CLC: variants seen among roughly 807,000 people sequenced by gnomAD.
The protein encoded by CLC is Charcot-Leyden crystal galectin.
In CLC, 15 loss-of-function variants were observed where a neutral mutation model predicts 13.9. The observed-to-expected ratio is 1.08, with a 90% CI of 0.72 to 1.66. The LOEUF (loss-of-function observed/expected upper bound fraction) is 1.66. Among genes scored for constraint, CLC ranks in the 40% most tolerant of loss-of-function variants. The pLI is 0.00. For synonymous variants in CLC, 68 were observed against 59.9 expected (o/e 1.14, Z -0.63); for missense variants, 161 against 169.1 (o/e 0.95, Z 0.27).
chr19:39,734,210 T>A, intron 3 of CLC, 73 bp downstream of exon 3: 1 of 1,504,674 alleles, frequency 6.6e-7, no homozygotes, highest in Non-Finnish European at 9.1e-7. Context: ...TATCTGGAGT[T>A]AGGGCATGAA....
chr19:39,734,404 C>G lies in CLC; in HGVS notation c.182G>C (p.Arg61Pro). The change falls in exon 3 of 4, where the codon CGT (arginine) becomes CCT (proline). Residue 61 changes from arginine (R) to proline (P), a missense_variant. Coordinates refer to ENST00000221804, the MANE Select transcript of CLC (RefSeq NM_001828.6). ...VFHFQVCFGR[R>P]VVMNSREYGA... ...ATACTCACGGCTGTTCATGACCACA[C>G]GACGACCAAAGCACACTTGGAAATG... The G allele has an allele frequency of 1.2e-6, 2 of 1,614,100 alleles. No homozygotes were observed. The highest frequency in any genetic ancestry group is 1.1e-5 in the South Asian group (1 of 91,078).
Position 39,735,027 on chromosome 19 carries a change from G to T in CLC, c.62C>A (p.Thr21Lys). ...AASLSTGSTV[T>K]IKGRPLACFL... ...ACAGGCAAGTGGTCGCCCTTTGATT[G>T]TCACAGTAGAACCAGTAGACAAAGA... is the stretch of plus-strand genomic sequence containing the variant. The change falls in exon 2 of 4, where the codon ACA (threonine) becomes AAA (lysine). Residue 21 changes from threonine (T) to lysine (K), a missense_variant. By Grantham distance (78) the Thr-to-Lys change is moderately conservative (BLOSUM62 -1). Transcript: ENST00000221804. 1 of 1,613,790 alleles carries T rather than the reference G, an allele frequency of 6.2e-7. No homozygotes were observed. The highest frequency in any genetic ancestry group is 8.5e-7 in the Non-Finnish European group (1 of 1,179,658).
rs749143951 is a variant in CLC at position 39,731,439 on chromosome 19, C to T, written c.370G>A (p.Val124Met). 9.3e-6 allele frequency: 15 copies of T among 1,613,650 alleles called. No individual in the cohort carries two copies. ...AGGGAGATATCTCTCCACACTTGCACCATCTTCACAGCCTCAGGCTTGATT... is the reference window on the plus strand; with the variant it reads ...AGGGAGATATCTCTCCACACTTGCATCATCTTCACAGCCTCAGGCTTGATT... ...HRIKPEAVKM[V>M]QVWRDISLTK... Residue 124 changes from valine to methionine, a missense_variant, in exon 4 of 4, where the codon GTG becomes ATG. Coordinates refer to ENST00000221804, the MANE Select transcript of CLC (RefSeq NM_001828.6).
At position 39,734,391 on chromosome 19, in the gene CLC, G is replaced by C. The variant is rs146776010; in HGVS notation, c.195C>G (p.Asn65Lys). The C allele has an allele frequency of 9.3e-3, 15,012 of 1,614,070 alleles. 308 individuals carry two copies. Among genetic ancestry groups the C allele is most frequent in the Admixed American group, 0.067 (4,045 of 60,012 alleles). ...GCTTCCAGGCCCCATACTCACGGCT[G>C]TTCATGACCACACGACGACCAAAGC... is the stretch of plus-strand genomic sequence containing the variant. ...QVCFGRRVVMNSREYGAWKQQ... is the reference protein window; with the variant it reads ...QVCFGRRVVMKSREYGAWKQQ... Residue 65 changes from asparagine (N) to lysine (K), a missense_variant, in exon 3 of 4, where the codon AAC becomes AAG. By Grantham distance (94) the Asn-to-Lys change is moderately conservative (BLOSUM62 0). Coordinates refer to ENST00000221804, the MANE Select transcript of CLC (RefSeq NM_001828.6).
chr19:39,734,013 A>T (rs1967267767), intron 3 of CLC: 1 of 985,320 alleles, frequency 1.0e-6, no homozygotes, highest in South Asian at 4.7e-5. Flanking sequence ...AGAGCTGAGG[A>T]TGGCAGTGCA....
intron 1 of CLC, among the ~76,000 whole-genome samples, chr19:39,735,858 G>A (rs1967301063): frequency 6.6e-6 from 1 of 152,162 alleles, no homozygotes; most frequent in South Asian, 2.1e-4. Context: ...GTGAAAACAA[G>A]ATGTGAGGAT....
intron 1 of CLC, among the ~76,000 whole-genome samples, chr19:39,735,874 A>G (rs1335611795): frequency 6.6e-6 from 1 of 152,214 alleles, no homozygotes; most frequent in Non-Finnish European, 1.5e-5. Context: ...AGGATGTAAC[A>G]GTAGAGAGAT....
At chr19:39,732,289 A>T (rs1365474381) in intron 3 of CLC, among the ~76,000 whole-genome samples, 2 of 103,978 alleles carry the variant, frequency 1.9e-5, no homozygotes, top group Non-Finnish European at 3.9e-5. Flanking sequence ...TGTCCATGTG[A>T]TCTCATTGTT....
At chr19:39,735,713 A>G (rs1967297658) in intron 1 of CLC, among the ~76,000 whole-genome samples, 1 of 152,196 alleles carries the variant, frequency 6.6e-6, no homozygotes. Flanking sequence ...TCATGTTTTC[A>G]GTTATACAGT....
At chr19:39,733,677 A>T (rs1039537466) in intron 3 of CLC, among the ~76,000 whole-genome samples, 1 of 152,210 alleles carries the variant, frequency 6.6e-6, no homozygotes, top group African/African-American at 2.4e-5. Context: ...CTCAACTGTC[A>T]TTCCTAAAGT....
intron 1 of CLC, among the ~76,000 whole-genome samples, chr19:39,735,472 C>T (rs1967294139): frequency 6.6e-6 from 1 of 152,144 alleles, no homozygotes; most frequent in African/African-American, 2.4e-5. Flanking sequence ...TATTGGTCCA[C>T]ACCCAGCTAA....
chr19:39,735,717 A>T (rs1485717853), intron 1 of CLC, among the ~76,000 whole-genome samples: 3 of 152,206 alleles, frequency 2.0e-5, no homozygotes, highest in African/African-American at 7.2e-5. Flanking sequence ...GTTTTCAGTT[A>T]TACAGTAGTT....
rs530390717 is a variant in CLC at position 39,732,133 on chromosome 19, A to C, written c.304-628T>G. Among the ~76,000 whole-genome samples, 7 of 141,562 alleles carry C rather than the reference A, an allele frequency of 4.9e-5. No homozygotes were observed. The South Asian group carries it at 1.7e-3, about 34-fold the overall frequency. 92.9% of individuals were successfully genotyped at this position (141,562 alleles called of 152,430 possible). A position where few individuals can be genotyped will look rare whatever the true frequency, so the allele number is the denominator to read the frequency against. On this transcript the variant is annotated intron_variant, in intron 3 of 3. Coordinates refer to ENST00000221804, the MANE Select transcript of CLC (RefSeq NM_001828.6). Reference sequence around the variant, plus strand: ...TTTAGGGTACATGTGCACATTGTGCAGGTTAGTTACATATGTATACATGTG... The same window carrying C: ...TTTAGGGTACATGTGCACATTGTGCCGGTTAGTTACATATGTATACATGTG...
chr19:39,731,638 A>G (rs920178925), intron 3 of CLC, 133 bp from the exon 4 acceptor site: 3 of 848,196 alleles, frequency 3.5e-6, no homozygotes, highest in Non-Finnish European at 5.3e-6. Flanking sequence ...CCCAGTAGAC[A>G]CACTTCTTTT....
chr19:39,736,705 G>A (rs1967317778), intron 1 of CLC, among the ~76,000 whole-genome samples: 1 of 151,662 alleles, frequency 6.6e-6, no homozygotes, highest in South Asian at 2.1e-4. Context: ...AACCCGGGAG[G>A]TGGAGGTTGC....
At chr19:39,737,467 GCA>G (rs1967330047) in intron 1 of CLC, among the ~76,000 whole-genome samples, 1 of 151,680 alleles carries the variant, frequency 6.6e-6, no homozygotes, top group Non-Finnish European at 1.5e-5. Context: ...TCACATTCCA[GCA>G]CACACACTCA....
At chr19:39,736,202 A>G (rs1318069694) in intron 1 of CLC, among the ~76,000 whole-genome samples, 2 of 150,906 alleles carry the variant, frequency 1.3e-5, no homozygotes, top group Non-Finnish European at 3.0e-5. Context: ...CAAAAAAAAA[A>G]AGAAAGAAAG....
In CLC at chr19:39,737,842, C is replaced by T. The variant is rs2144921073; in HGVS notation, c.15+96G>A. ...CACCCACAACTCTCAGTAAAGCATT[C>T]ACAGTAGAAATTTTCATATTTTCAT... On this transcript the variant is annotated intron_variant, in intron 1 of 3. Transcript: ENST00000221804. 7.9e-6 allele frequency: 10 copies of T among 1,271,290 alleles called. No individual in the cohort carries two copies. The South Asian group carries it at 1.3e-4, about 17-fold the overall frequency. 78.8% of individuals were successfully genotyped at this position (1,271,290 alleles called of 1,614,324 possible). A position where few individuals can be genotyped will look rare whatever the true frequency, so the allele number is the denominator to read the frequency against.
Position 39,734,438 on chromosome 19 carries a change from T to C in CLC, c.148A>G (p.Ile50Val). ...FHTEMKEESDIVFHFQVCFGR... is the reference protein window; with the variant it reads ...FHTEMKEESDVVFHFQVCFGR... ...AAGCACACTTGGAAATGGAAGACAA[T>C]GTCTGATTCCTCCTTCATCTCAGTG... is the stretch of plus-strand genomic sequence containing the variant. The change falls in exon 3 of 4, where the codon ATT becomes GTT. Residue 50 changes from isoleucine to valine, a missense_variant. Ile to Val is a conservative substitution (Grantham distance 29). Coordinates refer to ENST00000221804, the MANE Select transcript of CLC (RefSeq NM_001828.6). 6.2e-7 allele frequency: 1 copy of C among 1,614,114 alleles called. No homozygotes were observed. Among genetic ancestry groups the C allele is most frequent in the Non-Finnish European group, 8.5e-7 (1 of 1,179,992 alleles).
Sources: allele counts gnomAD v4.1 joint callset (sites outside exome capture counted in the v4.1 genomes callset), GRCh38; gene constraint gnomAD v4.1.1; transcripts MANE v1.5; gene names NCBI Gene and HGNC (gene_info 2026-07-23, HGNC 2026-07-21).